Variants in CAMSAP2 observed in about 807,000 individuals in gnomAD.
CAMSAP2 encodes calmodulin regulated spectrin associated protein family member 2, also known as calmodulin-regulated spectrin-associated protein 2.
Under a neutral mutation model 146.1 loss-of-function variants are expected in CAMSAP2, and 26 were observed. The observed-to-expected ratio is 0.18, with a 90% CI of 0.13 to 0.25. The LOEUF (loss-of-function observed/expected upper bound fraction) is 0.25. Ranked by LOEUF, CAMSAP2 falls within the 10% of genes least tolerant of loss-of-function variation. The pLI is 1.00. For missense variants in CAMSAP2, 1,381 were observed against 1,759.3 expected (o/e 0.78, Z 3.85); for synonymous variants, 499 against 596.6 (o/e 0.84, Z 2.38).
At chr1:200,814,869 T>C (rs1368025679) in intron 3 of CAMSAP2, among the ~76,000 whole-genome samples, 1 of 152,138 alleles carries the variant, frequency 6.6e-6, no homozygotes, top group Non-Finnish European at 1.5e-5. Context: ...ATTTGAACTT[T>C]TATTGATTGT....
At chr1:200,775,528 T>C (rs1174178546) in intron 2 of CAMSAP2, among the ~76,000 whole-genome samples, 1 of 152,104 alleles carries the variant, frequency 6.6e-6, no homozygotes, top group African/African-American at 2.4e-5. Flanking sequence ...TATCCGAGGC[T>C]TTTTTGTTGT....
chr1:200,835,509 A>G (rs767438105), intron 6 of CAMSAP2, among the ~76,000 whole-genome samples: 3 of 152,220 alleles, frequency 2.0e-5, no homozygotes, highest in Admixed American at 2.0e-4. Flanking sequence ...GAGGTAAAGC[A>G]GAGAACGAAA....
rs569653017 is a variant in CAMSAP2, at chr1:200,845,788, G to A, written c.1109+919G>A. On this transcript the variant is annotated intron_variant, in intron 8 of 16. Transcript: ENST00000358823. ...GTACCTGAAAACCCAAGGACCCTGG[G>A]TTACAACAATAGAATATTTATTACA... 4.6e-5 allele frequency among the ~76,000 whole-genome samples: 7 copies of A among 152,202 alleles called. No individual in the cohort carries two copies. The South Asian group carries it at 1.5e-3, about 32-fold the overall frequency.
rs550402730 is a variant in CAMSAP2, at chr1:200,816,906, A to G, written c.645+1262A>G. Among the ~76,000 whole-genome samples the G allele has an allele frequency of 3.7e-3, 277 of 75,568 alleles. 73 individuals carry two copies. Among genetic ancestry groups the G allele is most frequent in the Non-Finnish European group, 5.1e-3 (189 of 37,306 alleles). 49.6% of individuals were successfully genotyped at this position (75,568 alleles called of 152,430 possible). ...CGCGTGTGTATGTGTGTACACACACACGCGTGTGTATGTGTGTACACACAC... is the reference window on the plus strand; with the variant it reads ...CGCGTGTGTATGTGTGTACACACACGCGCGTGTGTATGTGTGTACACACAC... On this transcript the variant is annotated intron_variant, in intron 4 of 16. Coordinates refer to ENST00000358823, the MANE Select transcript of CAMSAP2 (RefSeq NM_203459.4).
intron 6 of CAMSAP2, among the ~76,000 whole-genome samples, chr1:200,836,827 T>C (rs1229371682): frequency 6.6e-6 from 1 of 152,248 alleles, no homozygotes; most frequent in Non-Finnish European, 1.5e-5. Context: ...TTGATTTGCA[T>C]TTCTCTAATG....
chr1:200,785,697 C>CT (rs1212029822), intron 2 of CAMSAP2, among the ~76,000 whole-genome samples: 2 of 124,982 alleles, frequency 1.6e-5, no homozygotes, highest in Non-Finnish European at 3.3e-5. Flanking sequence ...CTGATATTTT[C>CT]TTTTTTTTGA....
intron 2 of CAMSAP2, among the ~76,000 whole-genome samples, chr1:200,802,441 T>C (rs142563620): frequency 2.8e-3 from 425 of 152,330 alleles, no homozygotes; most frequent in African/African-American, 9.4e-3. Flanking sequence ...ATGAAACTTA[T>C]GAAAAAGTGT....
At chr1:200,775,130 T>C (rs1471368612) in intron 2 of CAMSAP2, among the ~76,000 whole-genome samples, 10 of 152,234 alleles carry the variant, frequency 6.6e-5, no homozygotes, top group Admixed American at 6.5e-4. Flanking sequence ...AGGGAAGGCC[T>C]GTCAACTGAG....
In CAMSAP2 at chr1:200,739,766, G is replaced by T; in HGVS notation, c.-62G>T. 1 of 1,542,722 alleles carries T rather than the reference G, an allele frequency of 6.5e-7. No individual in the cohort carries two copies. Among genetic ancestry groups the T allele is most frequent in the Non-Finnish European group, 8.8e-7 (1 of 1,133,710 alleles). Reference sequence around the variant, plus strand: ...CTTCTCCCTCCCTCCCGACCCCCGTGGTGGCGAGGCCACGCCATGTGAAGG... The same window carrying T: ...CTTCTCCCTCCCTCCCGACCCCCGTTGTGGCGAGGCCACGCCATGTGAAGG... On this transcript the variant is annotated 5_prime_UTR_variant, in exon 1 of 17. Transcript: ENST00000358823. This position sits in a 1 kb window ranked among gnomAD's most constrained non-coding sequence, Gnocchi z 4.8.
intron 3 of CAMSAP2, among the ~76,000 whole-genome samples, chr1:200,813,358 G>T (rs1040491210): frequency 2.0e-5 from 3 of 152,204 alleles, no homozygotes; most frequent in African/African-American, 7.2e-5. Context: ...ACTCTGGGGG[G>T]CAAACATTTA....
In CAMSAP2 at chr1:200,782,487, C is replaced by T. The variant is rs1665462430; in HGVS notation, c.399+21389C>T. ...GCAGCCCCACCCCACTTCAGGCATC[C>T]ATTAATCTCAGTTCTGTCGTTGTAG... On this transcript the variant is annotated intron_variant, in intron 2 of 16. Transcript: ENST00000358823. Among the ~76,000 whole-genome samples, 3 of 152,290 alleles carry T rather than the reference C, an allele frequency of 2.0e-5. No homozygotes were observed. In the South Asian group the frequency reaches 6.2e-4, roughly 32 times the overall value.
chr1:200,848,667 C>T lies in CAMSAP2; in HGVS notation c.1898C>T (p.Thr633Ile). 1 of 1,614,134 alleles carries T rather than the reference C, an allele frequency of 6.2e-7. No individual in the cohort carries two copies. The highest frequency in any genetic ancestry group is 1.3e-5 in the African/African-American group (1 of 75,036). ...GAAGATTCTTCGTTGAGAGATTATA[C>T]TGTAAGCTTGGACTCTGACATGGAT... is the stretch of plus-strand genomic sequence containing the variant. The part of the protein sequence containing the change: ...MDEDSSLRDY[T>I]VSLDSDMDDA... Residue 633 changes from threonine to isoleucine, a missense_variant, in exon 11 of 17, where the codon ACT becomes ATT. By Grantham distance (89) the Thr-to-Ile change is moderately conservative. This residue lies in a region of CAMSAP2 where 447 missense variants were observed against 462.2 expected (regional missense o/e 0.97). Transcript: ENST00000358823.
chr1:200,802,625 A>G (rs1056488021), intron 2 of CAMSAP2, among the ~76,000 whole-genome samples: 1 of 152,202 alleles, frequency 6.6e-6, no homozygotes, highest in African/African-American at 2.4e-5. Context: ...GTACTTGGGC[A>G]TAGTAGGCAG....
chr1:200,794,220 T>G (rs1305481491), intron 2 of CAMSAP2, among the ~76,000 whole-genome samples: 1 of 152,222 alleles, frequency 6.6e-6, no homozygotes, highest in African/African-American at 2.4e-5. Flanking sequence ...TAAGATAAGA[T>G]AAACATTTTG....
At chr1:200,847,903 C>G (rs1488722951) in intron 10 of CAMSAP2, 129 bp from the exon 11 acceptor site, 2 of 819,386 alleles carry the variant, frequency 2.4e-6, no homozygotes, top group East Asian at 5.3e-5. Context: ...CCTCCCCTTA[C>G]CTTGAAGACA....
chr1:200,805,660 G>A (rs1332530168), intron 2 of CAMSAP2, among the ~76,000 whole-genome samples: 1 of 152,156 alleles, frequency 6.6e-6, no homozygotes, highest in Non-Finnish European at 1.5e-5. Flanking sequence ...CATTTTGATT[G>A]GAAAGAGAAC....
At chr1:200,779,302 A>G (rs965947356) in intron 2 of CAMSAP2, among the ~76,000 whole-genome samples, 2 of 152,202 alleles carry the variant, frequency 1.3e-5, no homozygotes, top group African/African-American at 4.8e-5. Context: ...TTTTTAAAAG[A>G]TAGAAAAGAC....
In CAMSAP2 at chr1:200,858,386, T is replaced by A; in HGVS notation, c.*327T>A. On this transcript the variant is annotated 3_prime_UTR_variant, in exon 17 of 17. Transcript: ENST00000358823. Reference sequence around the variant, plus strand: ...AGTTGGATTTATCATTGAAATATGGTTAAGATTACAAATTATGTGTTTTAT... The same window carrying A: ...AGTTGGATTTATCATTGAAATATGGATAAGATTACAAATTATGTGTTTTAT... 4.8e-6 allele frequency: 1 copy of A among 207,452 alleles called. No homozygotes were observed. The highest frequency in any genetic ancestry group is 9.6e-6 in the Non-Finnish European group (1 of 104,412). The allele number at this position is 207,452 out of a possible 1,614,324, so 12.9% of individuals were successfully genotyped here.
intron 6 of CAMSAP2, among the ~76,000 whole-genome samples, chr1:200,835,463 A>C (rs1408814059): frequency 6.6e-6 from 1 of 152,168 alleles, no homozygotes; most frequent in African/African-American, 2.4e-5. Flanking sequence ...ATATTTACTG[A>C]GTATCTCCAT....
Sources: allele counts gnomAD v4.1 joint callset (sites outside exome capture counted in the v4.1 genomes callset), GRCh38; gene constraint gnomAD v4.1.1; regional missense constraint gnomAD v4.1.1; non-coding constraint Gnocchi (gnomAD v3.1); transcripts MANE v1.5; gene names NCBI Gene and HGNC (gene_info 2026-07-23, HGNC 2026-07-21).